The following CDCA7L variants were observed in gnomAD, a reference collection of about 807,000 sequenced individuals.
CDCA7L encodes the protein cell division cycle-associated 7-like protein.
A neutral mutation model predicts 57.4 loss-of-function variants in CDCA7L; 44 were observed. That is an observed-to-expected ratio of 0.77 (90% CI 0.60 to 0.98). CDCA7L has a LOEUF of 0.98. CDCA7L is among the 50% of genes least tolerant of loss of function. The pLI, the probability that CDCA7L is intolerant of heterozygous loss-of-function variation, is 0.00. For synonymous variants in CDCA7L, 236 were observed against 202.8 expected (o/e 1.16, Z -1.39); for missense variants, 644 against 580.6 (o/e 1.11, Z -1.12).
Position 21,901,195 on chromosome 7 carries a change from A to G in CDCA7L, c.*1127T>C. 1.9e-6 allele frequency: 3 copies of G among 1,613,668 alleles called. No individual in the cohort carries two copies. The highest frequency in any genetic ancestry group is 2.5e-6 in the Non-Finnish European group (3 of 1,179,722). On this transcript the variant is annotated 3_prime_UTR_variant, in exon 10 of 10. Coordinates refer to ENST00000406877, the MANE Select transcript of CDCA7L (RefSeq NM_018719.5). ...CTACATCTGGACCTTCAGGCTGAAG[A>G]GCGAAGAGAAGACTGCAAAATGGGT...
chr7:21,930,384 C>G (rs1785968377), intron 1 of CDCA7L, among the ~76,000 whole-genome samples: 1 of 151,902 alleles, frequency 6.6e-6, no homozygotes, highest in Non-Finnish European at 1.5e-5. Context: ...AAATTGACAC[C>G]CTAGCATCAC....
At chr7:21,916,672 C>T (rs999906952) in intron 2 of CDCA7L, 82 bp downstream of exon 2, 16 of 1,284,986 alleles carry the variant, frequency 1.2e-5, no homozygotes, top group Non-Finnish European at 1.8e-5. Context: ...ACCAATCTCA[C>T]ACCATGTTCA....
At chr7:21,905,852 T>G in intron 6 of CDCA7L, 1 of 537,764 alleles carries the variant, frequency 1.9e-6, no homozygotes, top group Non-Finnish European at 3.1e-6. Context: ...TCAAGGTTTT[T>G]GGTTCTTTGC....
chr7:21,933,822 T>C (rs754401198), intron 1 of CDCA7L, among the ~76,000 whole-genome samples: 1 of 151,662 alleles, frequency 6.6e-6, no homozygotes, highest in Non-Finnish European at 1.5e-5. Flanking sequence ...AAAAAGATTA[T>C]CAGCCGTTTT....
chr7:21,934,945 T>C (rs202149968), intron 1 of CDCA7L, among the ~76,000 whole-genome samples: 36 of 64,970 alleles, frequency 5.5e-4, no homozygotes, highest in African/African-American at 1.1e-3. Flanking sequence ...AATGAAGAAA[T>C]AGACTGTTCT....
chr7:21,901,488 G>A lies in CDCA7L; in HGVS notation c.*834C>T, dbSNP rs1784846948. ...TACTCAGGAGGTAGGAGAATCACTT[G>A]AACCTAGGAGGCAAAGGTTGCAGTG... On this transcript the variant is annotated 3_prime_UTR_variant, in exon 10 of 10. Coordinates refer to ENST00000406877, the MANE Select transcript of CDCA7L (RefSeq NM_018719.5). The A allele has an allele frequency of 2.2e-5, 9 of 418,192 alleles. No individual in the cohort carries two copies. Among genetic ancestry groups the A allele is most frequent in the Non-Finnish European group, 3.0e-5 (8 of 267,608 alleles). 25.9% of individuals were successfully genotyped at this position (418,192 alleles called of 1,614,324 possible).
In CDCA7L at chr7:21,945,881, G is replaced by A; in HGVS notation, c.-77C>T. ...GACTCACCACGGCCCGGCGCACCAA[G>A]AACGCCCCGCGCCCGAGCAGCTAGC... is the stretch of plus-strand genomic sequence containing the variant. On this transcript the variant is annotated 5_prime_UTR_variant, in exon 1 of 10. Transcript: ENST00000406877. 6.7e-7 allele frequency: 1 copy of A among 1,490,322 alleles called. No homozygotes were observed. The highest frequency in any genetic ancestry group is 2.6e-5 in the East Asian group (1 of 37,810). The allele number at this position is 1,490,322 out of a possible 1,614,324, so 92.3% of individuals were successfully genotyped here.
chr7:21,938,588 G>A (rs1385873961), intron 1 of CDCA7L, among the ~76,000 whole-genome samples: 1 of 152,172 alleles, frequency 6.6e-6, no homozygotes, highest in Non-Finnish European at 1.5e-5. Flanking sequence ...GACTGAAGCA[G>A]ATATTTGTAT....
chr7:21,915,362 A>G (rs1785445875), intron 2 of CDCA7L, among the ~76,000 whole-genome samples: 1 of 152,206 alleles, frequency 6.6e-6, no homozygotes, highest in Non-Finnish European at 1.5e-5. Context: ...CTGGGGCTGG[A>G]GAGAGAAGAC....
At chr7:21,932,196 G>A (rs1397999735) in intron 1 of CDCA7L, among the ~76,000 whole-genome samples, 2 of 152,150 alleles carry the variant, frequency 1.3e-5, no homozygotes, top group East Asian at 1.9e-4. Flanking sequence ...TGGATAGGAA[G>A]AATCAGTATC....
chr7:21,934,340 T>G (rs572557396), intron 1 of CDCA7L, among the ~76,000 whole-genome samples: 1 of 152,178 alleles, frequency 6.6e-6, no homozygotes, highest in Non-Finnish European at 1.5e-5. Context: ...GTGAAATTGG[T>G]ATCATTCAAA....
intron 1 of CDCA7L, among the ~76,000 whole-genome samples, chr7:21,932,157 C>CA (rs1305414232): frequency 1.3e-5 from 2 of 152,066 alleles, no homozygotes; most frequent in Non-Finnish European, 2.9e-5. Flanking sequence ...AGAGAGGAAA[C>CA]AAACAAATGG....
Position 21,905,535 on chromosome 7 carries a change from C to T in CDCA7L, c.1018G>A (p.Val340Ile), listed in dbSNP as rs1190928937. 1.2e-6 allele frequency: 2 copies of T among 1,613,836 alleles called. No individual in the cohort carries two copies. Among genetic ancestry groups the T allele is most frequent in the Admixed American group, 3.3e-5 (2 of 60,016 alleles). The change falls in exon 7 of 10, where the codon GTT (valine) becomes ATT (isoleucine). Residue 340 changes from valine to isoleucine, a missense_variant. Coordinates refer to ENST00000406877, the MANE Select transcript of CDCA7L (RefSeq NM_018719.5). ...ACTTTATCATAGATTTTATCTCGAA[C>T]AGTTATGGCAACATTTTCTAAGTCC... is the stretch of plus-strand genomic sequence containing the variant. Reference protein sequence around the residue: ...EEDLENVAITVRDKIYDKVLG... With the variant: ...EEDLENVAITIRDKIYDKVLG...
intron 1 of CDCA7L, among the ~76,000 whole-genome samples, chr7:21,934,814 A>T (rs1395139953): frequency 2.6e-5 from 4 of 152,230 alleles, no homozygotes; most frequent in Non-Finnish European, 4.4e-5. Flanking sequence ...CTGTTGTGAA[A>T]GACAAAGACA....
At position 21,902,087 on chromosome 7, in the gene CDCA7L, C is replaced by T. The variant is rs1376681880; in HGVS notation, c.*235G>A. 1 of 512,832 alleles carries T rather than the reference C, an allele frequency of 1.9e-6. No homozygotes were observed. The highest frequency in any genetic ancestry group is 3.5e-6 in the Non-Finnish European group (1 of 286,100). The allele number at this position is 512,832 out of a possible 1,614,324, so 31.8% of individuals were successfully genotyped here. A position where few individuals can be genotyped will look rare whatever the true frequency, so the allele number is the denominator to read the frequency against. On this transcript the variant is annotated 3_prime_UTR_variant, in exon 10 of 10. Transcript: ENST00000406877. Reference sequence around the variant, plus strand: ...TTTAATAACTGGCAGATATTTTTAACAAAGTTCAGCATACAGACAGGTCTG... The same window carrying T: ...TTTAATAACTGGCAGATATTTTTAATAAAGTTCAGCATACAGACAGGTCTG...
At chr7:21,933,798 T>C (rs909017297) in intron 1 of CDCA7L, among the ~76,000 whole-genome samples, 4 of 149,250 alleles carry the variant, frequency 2.7e-5, no homozygotes, top group Admixed American at 6.6e-5. Context: ...ACTTAAAGTA[T>C]AAAAAAAAGA....
rs920552733 is a variant in CDCA7L, at chr7:21,902,431, CATCTA to C, written c.1335-84_1335-80del. On this transcript the variant is annotated intron_variant, in intron 9 of 9. Coordinates refer to ENST00000406877, the MANE Select transcript of CDCA7L (RefSeq NM_018719.5). ...TTCTAGGCTTGAGAGATTCCACAAT[CATCTA>C]AGAGTACAAAGCCAGAACCCAGATC... The C allele has an allele frequency of 7.3e-6, 10 of 1,371,298 alleles. No homozygotes were observed. The African/African-American group carries it at 1.4e-4, about 20-fold the overall frequency. 84.9% of individuals were successfully genotyped at this position (1,371,298 alleles called of 1,614,324 possible). A position where few individuals can be genotyped will look rare whatever the true frequency, so the allele number is the denominator to read the frequency against.
chr7:21,903,146 C>T, intron 8 of CDCA7L, 32 bp from the exon 9 acceptor site: 1 of 1,603,286 alleles, frequency 6.2e-7, no homozygotes, highest in Non-Finnish European at 8.5e-7. Flanking sequence ...ACACTTCGCT[C>T]ATTATCTACA....
intron 1 of CDCA7L, among the ~76,000 whole-genome samples, chr7:21,926,414 C>T (rs1785828384): frequency 6.6e-6 from 1 of 152,198 alleles, no homozygotes; most frequent in South Asian, 2.1e-4. Flanking sequence ...GATCTACTAT[C>T]TAGAATATAT....
Sources: gnomAD v4.1 joint callset for allele counts (sites outside exome capture counted in the v4.1 genomes callset) on GRCh38, gnomAD v4.1.1 for gene constraint, MANE v1.5 for transcripts, NCBI Gene and HGNC (gene_info 2026-07-23, HGNC 2026-07-21) for gene names.